Variants in STX11 observed in about 807,000 individuals in gnomAD.
The protein encoded by STX11 is syntaxin-11.
STX11 carries 21 observed loss-of-function variants against 19.9 expected under a neutral mutation model. The ratio of observed to expected loss-of-function variants is 1.06; its 90% CI spans 0.75 to 1.52. The LOEUF is 1.52. Ranked by LOEUF, STX11 falls within the 40% of genes most tolerant of loss-of-function variation. The probability of loss-of-function intolerance (pLI) is 0.00; values close to 1 mark genes in which losing one functional copy is unlikely to be tolerated. For missense variants in STX11, 438 were observed against 405.9 expected (o/e 1.08, Z -0.68); for synonymous variants, 193 against 174.4 (o/e 1.11, Z -0.84).
rs1442946031 is a variant in STX11, at chr6:144,190,273, G to C, written c.*2782G>C. Among the ~76,000 whole-genome samples the C allele has an allele frequency of 3.3e-5, 5 of 152,148 alleles. No individual in the cohort carries two copies. The highest frequency in any genetic ancestry group is 1.2e-4 in the African/African-American group (5 of 41,410). ...ATACTAGCTGTCTGACTGAACCTTG[G>C]TTTTTCTGTGCTTCAGTTTCCTCAT... On this transcript the variant is annotated 3_prime_UTR_variant, in exon 2 of 2. Coordinates refer to ENST00000367568, the MANE Select transcript of STX11 (RefSeq NM_003764.4).
At chr6:144,157,439 G>A (rs968801528) in intron 1 of STX11, among the ~76,000 whole-genome samples, 1 of 152,208 alleles carries the variant, frequency 6.6e-6, no homozygotes, top group African/African-American at 2.4e-5. Flanking sequence ...TGGTCCAGAA[G>A]GGGATCTGGA....
rs905070828 is a variant in STX11 at position 144,179,060 on chromosome 6, C to G, written c.-5-7563C>G. ...GTTCCACGTGGCTGGGGAGAACTTA[C>G]AATCATGGTGAGGCAATGGTGAGGC... is the stretch of plus-strand genomic sequence containing the variant. On this transcript the variant is annotated intron_variant, in intron 1 of 1. Transcript: ENST00000367568. 3.9e-5 allele frequency among the ~76,000 whole-genome samples: 6 copies of G among 152,048 alleles called. No homozygotes were observed. The South Asian group carries it at 8.3e-4, about 21-fold the overall frequency.
the STX11 span, among the ~76,000 whole-genome samples, chr6:144,141,028 C>T: frequency 6.6e-5 from 10 of 152,098 alleles, no homozygotes; most frequent in South Asian, 2.1e-4. Context: ...TGTGCTTTTC[C>T]GTTTCACTTT....
In STX11 at chr6:144,154,215, G is replaced by A. The variant is rs969303659; in HGVS notation, c.-6+3512G>A. 6.6e-6 allele frequency among the ~76,000 whole-genome samples: 1 copy of A among 152,182 alleles called. No homozygotes were observed. The highest frequency in any genetic ancestry group is 1.5e-5 in the Non-Finnish European group (1 of 68,034). ...GCTGTCTTGATGAATGAATCAATGAGGTTTTGGACTTTGTGGTAAGCTCAG... is the reference window on the plus strand; with the variant it reads ...GCTGTCTTGATGAATGAATCAATGAAGTTTTGGACTTTGTGGTAAGCTCAG... On this transcript the variant is annotated intron_variant, in intron 1 of 1. Transcript: ENST00000367568. This position sits in a 1 kb window ranked among gnomAD's most constrained non-coding sequence, Gnocchi z 4.7.
At chr6:144,186,474 C>T (rs1802036357) in intron 1 of STX11, 149 bp from the exon 2 acceptor site, 2 of 940,058 alleles carry the variant, frequency 2.1e-6, no homozygotes, top group East Asian at 2.6e-5. Flanking sequence ...AGCAAAATGT[C>T]AGAACATTTA....
Position 144,190,887 on chromosome 6 carries a change from C to G in STX11, c.*3396C>G, listed in dbSNP as rs185132257. Among the ~76,000 whole-genome samples the G allele has an allele frequency of 2.0e-5, 3 of 152,268 alleles. No individual in the cohort carries two copies. The highest frequency in any genetic ancestry group is 7.2e-5 in the African/African-American group (3 of 41,558). On this transcript the variant is annotated 3_prime_UTR_variant, in exon 2 of 2. Transcript: ENST00000367568. Reference sequence around the variant, plus strand: ...CCCTTCCTGGCTCTGACTGCCACACCAGGCAGTGGGTGAAATGCTGGCTTT... The same window carrying G: ...CCCTTCCTGGCTCTGACTGCCACACGAGGCAGTGGGTGAAATGCTGGCTTT...
chr6:144,186,570 G>A, intron 1 of STX11, 53 bp from the exon 2 acceptor site: 1 of 1,611,778 alleles, frequency 6.2e-7, no homozygotes, highest in South Asian at 1.1e-5. Flanking sequence ...TCCCTTGAAG[G>A]CAAATATTTG....
rs543096582 is a variant in STX11, at chr6:144,175,283, A to G, written c.-5-11340A>G. Among the ~76,000 whole-genome samples the G allele has an allele frequency of 1.3e-5, 2 of 152,256 alleles. No individual in the cohort carries two copies. The highest frequency in any genetic ancestry group is 4.8e-5 in the African/African-American group (2 of 41,478). ...TGATAATATAGTAAAATTAGTAGTT[A>G]TCATTTGTTGAAGTCTCAATATATG... On this transcript the variant is annotated intron_variant, in intron 1 of 1. Coordinates refer to ENST00000367568, the MANE Select transcript of STX11 (RefSeq NM_003764.4). This position sits in a 1 kb window ranked among gnomAD's most constrained non-coding sequence, Gnocchi z 5.1.
chr6:144,189,386 G>T lies in STX11; in HGVS notation c.*1895G>T, dbSNP rs561338092. Among the ~76,000 whole-genome samples the T allele has an allele frequency of 6.6e-6, 1 of 152,300 alleles. No individual in the cohort carries two copies. The highest frequency in any genetic ancestry group is 6.5e-5 in the Admixed American group (1 of 15,296). On this transcript the variant is annotated 3_prime_UTR_variant, in exon 2 of 2. Transcript: ENST00000367568. The stretch of plus-strand genomic sequence containing the variant: ...GATGGAACTGAGTGGAGGGGGAAAA[G>T]AATGAAAAACTCAAAAGAATTCCCA...
chr6:144,174,738 G>C lies in STX11; in HGVS notation c.-5-11885G>C, dbSNP rs1304681666. On this transcript the variant is annotated intron_variant, in intron 1 of 1. Transcript: ENST00000367568. This position sits in a 1 kb window ranked among gnomAD's most constrained non-coding sequence, Gnocchi z 5.3. Reference sequence around the variant, plus strand: ...GGGGAAAGAATGGGGCCACCTAGGAGGTCAGATCAAGAATGTGGGATGAGA... The same window carrying C: ...GGGGAAAGAATGGGGCCACCTAGGACGTCAGATCAAGAATGTGGGATGAGA... Among the ~76,000 whole-genome samples the C allele has an allele frequency of 2.6e-5, 4 of 152,130 alleles. No homozygotes were observed. The highest frequency in any genetic ancestry group is 7.2e-5 in the African/African-American group (3 of 41,412).
At chr6:144,179,802 A>G (rs1801862249) in intron 1 of STX11, among the ~76,000 whole-genome samples, 1 of 152,232 alleles carries the variant, frequency 6.6e-6, no homozygotes, top group Admixed American at 6.5e-5. Context: ...CCAATAGTGG[A>G]CCTTCTGATT....
rs944717271 is a variant in STX11, at chr6:144,184,155, A to G, written c.-5-2468A>G. ...GCTATTGTGAATAGGGCTGCAGTGA[A>G]CATTGACATGCATGTGTCTTTATAA... On this transcript the variant is annotated intron_variant, in intron 1 of 1. Coordinates refer to ENST00000367568, the MANE Select transcript of STX11 (RefSeq NM_003764.4). The surrounding 1 kb of genome is among the most constrained non-coding windows in gnomAD (Gnocchi z 6.5). Among the ~76,000 whole-genome samples the G allele has an allele frequency of 1.4e-4, 22 of 152,190 alleles. No individual in the cohort carries two copies. The highest frequency in any genetic ancestry group is 1.4e-3 in the Admixed American group (21 of 15,282).
chr6:144,141,510 A>C, the STX11 span, among the ~76,000 whole-genome samples: 1 of 152,126 alleles, frequency 6.6e-6, no homozygotes, highest in Admixed American at 6.5e-5. Context: ...ACAACAAGAA[A>C]TTTGCTTTTC....
Position 144,177,476 on chromosome 6 carries a change from C to T in STX11, c.-5-9147C>T, listed in dbSNP as rs1037014600. On this transcript the variant is annotated intron_variant, in intron 1 of 1. Transcript: ENST00000367568. This position sits in a 1 kb window ranked among gnomAD's most constrained non-coding sequence, Gnocchi z 4.4. ...CCTTAGCTCATCTACTGGCTGGGAGCGGTGGCTCACGCCTGTAATCCCAGC... is the reference window on the plus strand; with the variant it reads ...CCTTAGCTCATCTACTGGCTGGGAGTGGTGGCTCACGCCTGTAATCCCAGC... 2.4e-4 allele frequency among the ~76,000 whole-genome samples: 37 copies of T among 152,314 alleles called. No individual in the cohort carries two copies. The highest frequency in any genetic ancestry group is 1.5e-3 in the Admixed American group (23 of 15,298).
At chr6:144,141,469 T>C in the STX11 span, among the ~76,000 whole-genome samples, 1 of 152,214 alleles carries the variant, frequency 6.6e-6, no homozygotes, top group Non-Finnish European at 1.5e-5. Context: ...TATTGGCGTA[T>C]CAAGCTTGGA....
In STX11 at chr6:144,176,161, C is replaced by T. The variant is rs1004537179; in HGVS notation, c.-5-10462C>T. 7.9e-5 allele frequency among the ~76,000 whole-genome samples: 12 copies of T among 152,134 alleles called. No homozygotes were observed. The highest frequency in any genetic ancestry group is 2.7e-4 in the African/African-American group (11 of 41,426). ...ATGCCAGAGAAGGGAAGAAACAGAG[C>T]AGAGAATATTGCTCCTTAACAACAC... On this transcript the variant is annotated intron_variant, in intron 1 of 1. Transcript: ENST00000367568. The surrounding 1 kb of genome is among the most constrained non-coding windows in gnomAD (Gnocchi z 4.1).
In STX11 at chr6:144,153,492, G is replaced by A. The variant is rs1801057263; in HGVS notation, c.-6+2789G>A. On this transcript the variant is annotated intron_variant, in intron 1 of 1. Transcript: ENST00000367568. The surrounding 1 kb of genome is among the most constrained non-coding windows in gnomAD (Gnocchi z 5.0). ...CCAGCCTGTTTAGTGACGGCACAGAGGGAGGCCTACGGAGACAGGAAGGGC... is the reference window on the plus strand; with the variant it reads ...CCAGCCTGTTTAGTGACGGCACAGAAGGAGGCCTACGGAGACAGGAAGGGC... Among the ~76,000 whole-genome samples the A allele has an allele frequency of 6.6e-6, 1 of 152,214 alleles. No individual in the cohort carries two copies. Among genetic ancestry groups the A allele is most frequent in the Non-Finnish European group, 1.5e-5 (1 of 68,038 alleles).
rs1170910369 is a variant in STX11, at chr6:144,189,154, C to G, written c.*1663C>G. ...TCCTCCCACCTCAGCCTACAAATAG[C>G]TGAGACTACAGATATGTGCCACCAT... is the stretch of plus-strand genomic sequence containing the variant. On this transcript the variant is annotated 3_prime_UTR_variant, in exon 2 of 2. Transcript: ENST00000367568. Among the ~76,000 whole-genome samples, 3 of 152,182 alleles carry G rather than the reference C, an allele frequency of 2.0e-5. No individual in the cohort carries two copies. The highest frequency in any genetic ancestry group is 1.9e-4 in the East Asian group (1 of 5,188).
At chr6:144,145,250 C>T in the STX11 span, among the ~76,000 whole-genome samples, 4 of 152,178 alleles carry the variant, frequency 2.6e-5, no homozygotes, top group Admixed American at 6.5e-5. Flanking sequence ...ATGCTACATA[C>T]AGCATGGATA....
Sources: allele counts gnomAD v4.1 joint callset (sites outside exome capture counted in the v4.1 genomes callset), GRCh38; gene constraint gnomAD v4.1.1; non-coding constraint Gnocchi (gnomAD v3.1); transcripts MANE v1.5; gene names NCBI Gene and HGNC (gene_info 2026-07-23, HGNC 2026-07-21).